ACER3: variants seen among roughly 807,000 people sequenced by gnomAD.
ACER3 encodes the protein alkaline ceramidase 3.
Under a neutral mutation model 48.9 loss-of-function variants are expected in ACER3, and 16 were observed. The ratio of observed to expected loss-of-function variants is 0.33; its 90% CI spans 0.22 to 0.50. The LOEUF (loss-of-function observed/expected upper bound fraction) is 0.50. ACER3 is among the 20% of genes least tolerant of loss of function. The probability of loss-of-function intolerance (pLI) is 0.98; values close to 1 mark genes in which losing one functional copy is unlikely to be tolerated. For synonymous variants in ACER3, 109 were observed against 107.8 expected (o/e 1.01, Z -0.07); for missense variants, 227 against 326.0 (o/e 0.70, Z 2.34).
At chr11:76,905,447 A>G (rs1946203807) in intron 1 of ACER3, among the ~76,000 whole-genome samples, 1 of 152,216 alleles carries the variant, frequency 6.6e-6, no homozygotes, top group Admixed American at 6.5e-5. Flanking sequence ...AATGGGGTGA[A>G]TTCTACTGCA....
intron 1 of ACER3, among the ~76,000 whole-genome samples, chr11:76,899,436 G>T (rs1366588494): frequency 6.6e-6 from 1 of 152,158 alleles, no homozygotes; most frequent in Non-Finnish European, 1.5e-5. Flanking sequence ...TGGAATATCA[G>T]TTGGAAACAT....
chr11:76,904,548 C>A (rs1225118567), intron 1 of ACER3, among the ~76,000 whole-genome samples: 1 of 152,114 alleles, frequency 6.6e-6, no homozygotes, highest in African/African-American at 2.4e-5. Context: ...AACCCAGCCA[C>A]CCTGGACACA....
In ACER3 at chr11:76,860,985, G is replaced by A. The variant is rs1944921282; in HGVS notation, c.9G>A (p.Pro3=). The change falls in exon 1 of 11, where the codon CCG becomes CCA. Residue 3 remains proline, a synonymous_variant. Coordinates refer to ENST00000532485, the MANE Select transcript of ACER3 (RefSeq NM_018367.7). ...GCGGCGGCGGCGGCGTGATGGCTCC[G>A]GCCGCGGACCGAGAGGGCTACTGGG... MA[P]AADREGYWGP... 7 of 1,536,806 alleles carry A rather than the reference G, an allele frequency of 4.6e-6. No homozygotes were observed. The South Asian group carries it at 8.4e-5, about 18-fold the overall frequency.
In ACER3 at chr11:77,023,728, G is replaced by A. The variant is rs1949505597; in HGVS notation, c.*3401G>A. 6.6e-6 allele frequency: 1 copy of A among 152,224 alleles called. No homozygotes were observed. Among genetic ancestry groups the A allele is most frequent in the South Asian group, 2.1e-4 (1 of 4,826 alleles). The allele number at this position is 152,224 out of a possible 1,614,324, so 9.4% of individuals were successfully genotyped here. On this transcript the variant is annotated 3_prime_UTR_variant, in exon 11 of 11. Transcript: ENST00000532485. ...GTGCTATAATTAGTTTGATCACTTT[G>A]TCTTGTTTTTCAGTGTCTACAATTA...
chr11:77,009,368 A>G (rs1319481797), intron 7 of ACER3, among the ~76,000 whole-genome samples: 1 of 152,200 alleles, frequency 6.6e-6, no homozygotes, highest in Non-Finnish European at 1.5e-5. Flanking sequence ...CAAGGACAGA[A>G]CCAAGCCATG....
chr11:76,933,276 A>ATT (rs998574163), intron 2 of ACER3, among the ~76,000 whole-genome samples: 1 of 125,036 alleles, frequency 8.0e-6, no homozygotes, highest in African/African-American at 3.0e-5. Context: ...TATAATTTTT[A>ATT]TTTTTTTTAT....
chr11:76,952,778 G>A (rs1479705021), intron 2 of ACER3, among the ~76,000 whole-genome samples: 2 of 148,778 alleles, frequency 1.3e-5, no homozygotes, highest in Non-Finnish European at 3.0e-5. Context: ...CAATTCTCCT[G>A]CCTCAGCCTC....
At chr11:76,990,735 G>C (rs1389407490) in intron 6 of ACER3, among the ~76,000 whole-genome samples, 161 bp downstream of exon 6, 5 of 152,168 alleles carry the variant, frequency 3.3e-5, no homozygotes. Context: ...AAACTCAAAT[G>C]CTTACAGGAG....
intron 2 of ACER3, among the ~76,000 whole-genome samples, chr11:76,942,621 T>A (rs1357171133): frequency 6.6e-6 from 1 of 152,124 alleles, no homozygotes; most frequent in Admixed American, 6.5e-5. Flanking sequence ...TCTATGTTCA[T>A]CAGAGATATT....
intron 3 of ACER3, 46 bp from the exon 4 acceptor site, chr11:76,976,243 C>A: frequency 3.7e-6 from 5 of 1,364,684 alleles, no homozygotes; most frequent in Non-Finnish European, 4.1e-6. Flanking sequence ...ATAATAATTG[C>A]TGCTCCATGA....
intron 2 of ACER3, among the ~76,000 whole-genome samples, chr11:76,956,644 A>G (rs985020143): frequency 6.6e-6 from 1 of 151,512 alleles, no homozygotes; most frequent in Admixed American, 6.6e-5. Context: ...AGGCATGATA[A>G]AGTGGCCATT....
intron 6 of ACER3, among the ~76,000 whole-genome samples, chr11:76,991,684 C>T (rs1423245643): frequency 2.0e-5 from 3 of 151,548 alleles, no homozygotes; most frequent in South Asian, 2.1e-4. Context: ...GGCATGGTGG[C>T]GTGCACCTGT....
intron 2 of ACER3, among the ~76,000 whole-genome samples, chr11:76,930,379 G>C (rs897777917): frequency 2.0e-5 from 3 of 152,030 alleles, no homozygotes; most frequent in African/African-American, 4.8e-5. Context: ...GATCTTGCTA[G>C]AGGTCTATTA....
At chr11:77,011,846 T>C (rs1644191435) in intron 7 of ACER3, among the ~76,000 whole-genome samples, 2 of 152,152 alleles carry the variant, frequency 1.3e-5, no homozygotes, top group Non-Finnish European at 2.9e-5. Context: ...AGATTTAGAC[T>C]AAAGCATTCT....
chr11:77,019,332 G>A lies in ACER3; in HGVS notation c.705-399G>A, dbSNP rs540384469. ...AAATTATCTGGGCGTTGTGGCAGGC[G>A]CCTGTAATCCCAGGTACTCAGGAGG... On this transcript the variant is annotated intron_variant, in intron 9 of 10. Coordinates refer to ENST00000532485, the MANE Select transcript of ACER3 (RefSeq NM_018367.7). 5.3e-5 allele frequency among the ~76,000 whole-genome samples: 8 copies of A among 152,188 alleles called. 1 individual carries two copies. In the South Asian group the frequency reaches 8.3e-4, roughly 16 times the overall value.
intron 6 of ACER3, among the ~76,000 whole-genome samples, chr11:76,997,766 A>G (rs1334415255): frequency 1.3e-5 from 2 of 152,204 alleles, no homozygotes; most frequent in African/African-American, 4.8e-5. Context: ...TGAGCCTGTG[A>G]GATCAAGCCT....
chr11:77,000,919 AGAAT>A, intron 7 of ACER3, among the ~76,000 whole-genome samples: 1 of 152,170 alleles, frequency 6.6e-6, no homozygotes, highest in Admixed American at 6.5e-5. Context: ...TATAAAGTTT[AGAAT>A]AATATTGTCT....
At chr11:76,868,551 T>A (rs1945163022) in intron 1 of ACER3, among the ~76,000 whole-genome samples, 1 of 152,016 alleles carries the variant, frequency 6.6e-6, no homozygotes, top group Non-Finnish European at 1.5e-5. Flanking sequence ...ATCTCTCTGG[T>A]CTTCCCCTGC....
At chr11:76,950,203 A>G (rs965292298) in intron 2 of ACER3, among the ~76,000 whole-genome samples, 17 of 151,300 alleles carry the variant, frequency 1.1e-4, no homozygotes, top group African/African-American at 3.9e-4. Context: ...TTAGAAGTCA[A>G]GAGGGAAAGT....
Sources: allele counts gnomAD v4.1 joint callset (sites outside exome capture counted in the v4.1 genomes callset), GRCh38; gene constraint gnomAD v4.1.1; transcripts MANE v1.5; gene names NCBI Gene and HGNC (gene_info 2026-07-23, HGNC 2026-07-21).